Variants in BANK1 observed in about 807,000 individuals in gnomAD.
BANK1 encodes B cell scaffold protein with ankyrin repeats 1.
Under a neutral mutation model 94.5 loss-of-function variants are expected in BANK1, and 95 were observed. The observed-to-expected ratio is 1.00, with a 90% CI of 0.85 to 1.19. The LOEUF (loss-of-function observed/expected upper bound fraction) is 1.19. Ranked by LOEUF, BANK1 falls within the 50% of genes most tolerant of loss-of-function variation. The pLI is 0.00. For missense variants in BANK1, 987 were observed against 932.2 expected (o/e 1.06, Z -0.77); for synonymous variants, 334 against 308.4 (o/e 1.08, Z -0.87).
intron 1 of BANK1, among the ~76,000 whole-genome samples, chr4:101,819,609 CTT>C (rs749257636): frequency 3.2e-4 from 49 of 152,264 alleles, no homozygotes; most frequent in Admixed American, 2.1e-3. Flanking sequence ...GTGAAAAACA[CTT>C]TGATTATTTA....
intron 5 of BANK1, among the ~76,000 whole-genome samples, chr4:101,888,726 G>C (rs1309098822): frequency 2.0e-5 from 3 of 152,180 alleles, no homozygotes; most frequent in Non-Finnish European, 2.9e-5. Flanking sequence ...GTTAGAGATA[G>C]CTTATATAGA....
chr4:101,885,032 C>A (rs1474777095), intron 5 of BANK1, among the ~76,000 whole-genome samples: 3 of 152,202 alleles, frequency 2.0e-5, no homozygotes, highest in Non-Finnish European at 2.9e-5. Context: ...ATTCTCCTGC[C>A]TCAGTCTCCC....
At chr4:101,812,076 A>T (rs34452412) in intron 1 of BANK1, among the ~76,000 whole-genome samples, 57 of 152,016 alleles carry the variant, frequency 3.7e-4, no homozygotes, top group Admixed American at 8.5e-4. Context: ...ATACTTATGA[A>T]TGATTATGGT....
chr4:101,858,749 C>G (rs190479647), intron 3 of BANK1, among the ~76,000 whole-genome samples: 1 of 152,044 alleles, frequency 6.6e-6, no homozygotes, highest in African/African-American at 2.4e-5. Flanking sequence ...CACAAAAGAC[C>G]GTTAAAGTGG....
At chr4:101,921,979 A>G (rs1479754570) in intron 7 of BANK1, among the ~76,000 whole-genome samples, 2 of 148,864 alleles carry the variant, frequency 1.3e-5, no homozygotes, top group Non-Finnish European at 3.0e-5. Flanking sequence ...CTATCCCTAC[A>G]CTGCTCTTTG....
At chr4:101,959,354 G>T (rs1724487537) in intron 7 of BANK1, among the ~76,000 whole-genome samples, 1 of 151,988 alleles carries the variant, frequency 6.6e-6, no homozygotes, top group South Asian at 2.1e-4. Context: ...TGGCCAGGCT[G>T]GTCTCAAACT....
chr4:101,977,194 A>T (rs73834530), intron 7 of BANK1: 1 of 152,128 alleles, frequency 6.6e-6, no homozygotes, highest in Non-Finnish European at 1.5e-5. Context: ...GCTTCTGCTC[A>T]TCATAATCAC....
intron 5 of BANK1, among the ~76,000 whole-genome samples, chr4:101,879,956 A>G (rs904661975): frequency 3.9e-5 from 6 of 152,082 alleles, no homozygotes; most frequent in African/African-American, 1.4e-4. Flanking sequence ...TAGAAAAGCC[A>G]TGTATGACAA....
intron 1 of BANK1, among the ~76,000 whole-genome samples, chr4:101,823,645 A>G (rs1471561847): frequency 6.6e-6 from 1 of 152,236 alleles, no homozygotes; most frequent in African/African-American, 2.4e-5. Context: ...AGGGTTAGGA[A>G]GACTTCACAA....
chr4:101,847,732 A>G (rs1473753170), intron 2 of BANK1, among the ~76,000 whole-genome samples: 1 of 108,310 alleles, frequency 9.2e-6, no homozygotes, highest in African/African-American at 3.9e-5. Flanking sequence ...GTAGTATTCC[A>G]TCATACACAC....
In BANK1 at chr4:101,956,709, C is replaced by T. The variant is rs75735842; in HGVS notation, c.1206+38520C>T. Among the ~76,000 whole-genome samples, 852 of 152,270 alleles carry T rather than the reference C, an allele frequency of 5.6e-3. 15 individuals are homozygous for T. In the East Asian group the frequency reaches 0.057, roughly 10 times the overall value. On this transcript the variant is annotated intron_variant, in intron 7 of 16. Coordinates refer to ENST00000322953, the MANE Select transcript of BANK1 (RefSeq NM_017935.5). ...TATCCTCAGTTCCCACCTTGCTCTG[C>T]CTTCCTGCCAATGTAGAACAAAGAG...
chr4:101,911,522 C>T (rs1453683275), intron 6 of BANK1, among the ~76,000 whole-genome samples: 1 of 144,056 alleles, frequency 6.9e-6, no homozygotes, highest in East Asian at 2.0e-4. Context: ...CCATTGGGTT[C>T]ACAGATTAAT....
chr4:101,851,219 T>G (rs1236661446), intron 2 of BANK1, among the ~76,000 whole-genome samples: 1 of 152,150 alleles, frequency 6.6e-6, no homozygotes, highest in Non-Finnish European at 1.5e-5. Flanking sequence ...GCAAAACAAC[T>G]TTATTGCTGA....
At chr4:102,030,292 T>C in intron 10 of BANK1, 27 bp downstream of exon 10, 2 of 1,531,848 alleles carry the variant, frequency 1.3e-6, no homozygotes, top group Non-Finnish European at 1.7e-6. Context: ...TTTGTTTACT[T>C]GTTAATTTTT....
chr4:101,926,131 T>C (rs1237038291), intron 7 of BANK1, among the ~76,000 whole-genome samples: 1 of 151,706 alleles, frequency 6.6e-6, no homozygotes, highest in Non-Finnish European at 1.5e-5. Context: ...CAATGTAGAT[T>C]GGGTATATAC....
chr4:102,067,109 A>G (rs1728619975), intron 13 of BANK1, among the ~76,000 whole-genome samples: 1 of 152,124 alleles, frequency 6.6e-6, no homozygotes. Flanking sequence ...TTCATGTTTT[A>G]TTTTAAAAAT....
chr4:101,818,527 G>A (rs1726009211), intron 1 of BANK1, among the ~76,000 whole-genome samples: 5 of 151,936 alleles, frequency 3.3e-5, no homozygotes, highest in Admixed American at 3.3e-4. Context: ...ATTCCTTCAG[G>A]AATGTAGTAC....
intron 7 of BANK1, among the ~76,000 whole-genome samples, chr4:102,017,896 A>G (rs1726764042): frequency 6.6e-6 from 1 of 152,144 alleles, no homozygotes; most frequent in Non-Finnish European, 1.5e-5. Context: ...CTTTATTTCT[A>G]TTTTATTCCT....
intron 1 of BANK1, among the ~76,000 whole-genome samples, chr4:101,828,744 A>T (rs1300556774): frequency 6.6e-6 from 1 of 152,150 alleles, no homozygotes; most frequent in African/African-American, 2.4e-5. Flanking sequence ...AAAATGCTCT[A>T]AAGAAATCAA....
Sources: gnomAD v4.1 joint callset for allele counts (sites outside exome capture counted in the v4.1 genomes callset) on GRCh38, gnomAD v4.1.1 for gene constraint, MANE v1.5 for transcripts, NCBI Gene and HGNC (gene_info 2026-07-23, HGNC 2026-07-21) for gene names.